The following CAPN3 variants were observed in gnomAD, a reference collection of about 807,000 sequenced individuals.
The protein encoded by CAPN3 is calpain 3, also known as calpain-3.
Under a neutral mutation model 114.0 loss-of-function variants are expected in CAPN3, and 88 were observed. The observed-to-expected ratio is 0.77, with a 90% CI of 0.65 to 0.92. The LOEUF is 0.92. Among genes scored for constraint, CAPN3 ranks in the 40% least tolerant of loss-of-function variants. The pLI is 0.00. For missense variants in CAPN3, 1,028 were observed against 1,069.0 expected (o/e 0.96, Z 0.53); for synonymous variants, 386 against 382.9 (o/e 1.01, Z -0.09).
chr15:42,387,685 G>A (rs1027811594), intron 3 of CAPN3, 68 bp from the exon 4 acceptor site: 5 of 1,589,018 alleles, frequency 3.1e-6, no homozygotes, highest in African/African-American at 1.3e-5. Flanking sequence ...CCTGAGGAAT[G>A]TGGAGGAAGG....
At chr15:42,361,445 T>A (rs1361499901) in intron 1 of CAPN3, among the ~76,000 whole-genome samples, 1 of 152,130 alleles carries the variant, frequency 6.6e-6, no homozygotes, top group Non-Finnish European at 1.5e-5. Flanking sequence ...CACTCCAGGC[T>A]GGGTGACAGG....
At chr15:42,366,548 A>G (rs2052781156) in intron 1 of CAPN3, among the ~76,000 whole-genome samples, 1 of 152,246 alleles carries the variant, frequency 6.6e-6, no homozygotes. Flanking sequence ...TTAACATGGC[A>G]GAAACATCTT....
At chr15:42,367,590 C>G (rs2052821622) in intron 1 of CAPN3, among the ~76,000 whole-genome samples, 1 of 152,214 alleles carries the variant, frequency 6.6e-6, no homozygotes, top group Non-Finnish European at 1.5e-5. Context: ...GAACTACTTT[C>G]AGCCTTTCCA....
intron 15 of CAPN3, among the ~76,000 whole-genome samples, chr15:42,407,419 C>A (rs2054055829): frequency 6.6e-6 from 1 of 152,024 alleles, no homozygotes; most frequent in African/African-American, 2.4e-5. Context: ...AGCTCCACCT[C>A]CCATGTTCAC....
At position 42,379,585 on chromosome 15, in the gene CAPN3, A is replaced by G. The variant is rs982193637; in HGVS notation, c.310-4898A>G. Among the ~76,000 whole-genome samples, 13 of 152,254 alleles carry G rather than the reference A, an allele frequency of 8.5e-5. No homozygotes were observed. In the East Asian group the frequency reaches 1.7e-3, roughly 20 times the overall value. On this transcript the variant is annotated intron_variant, in intron 1 of 23. Coordinates refer to ENST00000397163, the MANE Select transcript of CAPN3 (RefSeq NM_000070.3). ...TTTGTCTATTTCTCCTTTCAGTTCT[A>G]TCACTCTTTGCCTCATGTATTTTGA...
chr15:42,401,946 G>C, intron 11 of CAPN3, 136 bp downstream of exon 11: 1 of 1,333,910 alleles, frequency 7.5e-7, no homozygotes, highest in Non-Finnish European at 1.1e-6. Flanking sequence ...GACCACTTGT[G>C]TTTGTAACAA....
At chr15:42,404,212 A>G (rs959227626) in intron 14 of CAPN3, 4 of 457,454 alleles carry the variant, frequency 8.7e-6, no homozygotes, top group Non-Finnish European at 1.8e-5. Context: ...CAATTTCTGT[A>G]ATCCCTCTCA....
At chr15:42,402,644 C>G in intron 12 of CAPN3, 150 bp from the exon 13 acceptor site, 13 of 1,536,640 alleles carry the variant, frequency 8.5e-6, no homozygotes, top group African/African-American at 1.4e-5. Context: ...GGTAGGGAGG[C>G]TATTTAAGCC....
intron 7 of CAPN3, among the ~76,000 whole-genome samples, chr15:42,392,964 C>T (rs2053600769): frequency 6.6e-6 from 1 of 152,350 alleles, no homozygotes; most frequent in East Asian, 1.9e-4. Context: ...ATTTTTCCAA[C>T]ATTTCCAATG....
At chr15:42,403,882 G>C in intron 14 of CAPN3, 105 bp downstream of exon 14, 1 of 1,033,092 alleles carries the variant, frequency 9.7e-7, no homozygotes, top group South Asian at 1.3e-5. Context: ...AGAGGGAATG[G>C]GAGTCTGGGC....
intron 9 of CAPN3, among the ~76,000 whole-genome samples, chr15:42,399,112 A>T (rs2053791628): frequency 6.6e-6 from 1 of 151,984 alleles, no homozygotes; most frequent in Admixed American, 6.6e-5. Flanking sequence ...TCTTCTATCT[A>T]ACTGTATTTT....
At chr15:42,406,696 G>GC (rs1031518713) in intron 15 of CAPN3, among the ~76,000 whole-genome samples, 3 of 152,062 alleles carry the variant, frequency 2.0e-5, no homozygotes, top group Non-Finnish European at 4.4e-5. Context: ...TCTGATGCCA[G>GC]CCCCCTACAC....
chr15:42,389,539 C>T (rs1334720678), intron 5 of CAPN3, among the ~76,000 whole-genome samples: 2 of 152,238 alleles, frequency 1.3e-5, no homozygotes, highest in East Asian at 1.9e-4. Context: ...GCCTGCAGCA[C>T]CTTTCAGTGC....
rs779701414 is a variant in CAPN3, at chr15:42,388,928, G to T, written c.633G>T (p.Lys211Asn). 6.2e-7 allele frequency: 1 copy of T among 1,613,886 alleles called. No individual in the cohort carries two copies. The highest frequency in any genetic ancestry group is 1.3e-5 in the African/African-American group (1 of 75,022). Residue 211 changes from lysine (K) to asparagine (N), a missense_variant and splice_region_variant, in exon 5 of 24, where the codon AAG becomes AAT. By Grantham distance (94) the Lys-to-Asn change is moderately conservative. Coordinates refer to ENST00000397163, the MANE Select transcript of CAPN3 (RefSeq NM_000070.3). ...AATTGGTCTTCATCCTCTCTCTAAG[G>T]CTCCATGGTTCCTACGAAGCTCTGA... ...WSALLEKAYA[K>N]LHGSYEALKG...
In CAPN3 at chr15:42,396,786, C is replaced by T. The variant is rs778663080; in HGVS notation, c.1116-14C>T. 4 of 1,608,756 alleles carry T rather than the reference C, an allele frequency of 2.5e-6. No individual in the cohort carries two copies. Among genetic ancestry groups the T allele is most frequent in the African/African-American group, 1.3e-5 (1 of 74,788 alleles). ...CTTCTTCCTGCTTCCTTAATTCCTC[C>T]ATTTTCCCACCAGATGGAAGGACTG... On this transcript the variant is annotated splice_polypyrimidine_tract_variant and intron_variant, in intron 8 of 23. Transcript: ENST00000397163.
At position 42,410,868 on chromosome 15, in the gene CAPN3, A is replaced by C; in HGVS notation, c.2264-16A>C. On this transcript the variant is annotated splice_polypyrimidine_tract_variant and intron_variant, in intron 21 of 23. Coordinates refer to ENST00000397163, the MANE Select transcript of CAPN3 (RefSeq NM_000070.3). ...CTCCAGCTCCACGTCCACCTCTAAC[A>C]TGGTCCCCTCCACAGGATTCCACCT... The C allele has an allele frequency of 5.6e-6, 9 of 1,598,910 alleles. No homozygotes were observed. Among genetic ancestry groups the C allele is most frequent in the Non-Finnish European group, 7.7e-6 (9 of 1,166,110 alleles).
rs1255302975 is a variant in CAPN3 at position 42,386,237 on chromosome 15, C to T, written c.450C>T (p.Pro150=). The T allele has an allele frequency of 6.2e-7, 1 of 1,614,126 alleles. No individual in the cohort carries two copies. The highest frequency in any genetic ancestry group is 2.2e-5 in the East Asian group (1 of 44,866). Residue 150 remains proline (P), a synonymous_variant, in exon 3 of 24, where the codon CCC becomes CCT. Transcript: ENST00000397163. ...LNQHLLFRVI[P]HDQSFIENYA... The stretch of plus-strand genomic sequence containing the variant: ...AGCACCTTCTTTTCCGAGTCATACC[C>T]CATGATCAAAGTTTCATCGAAAACT...
chr15:42,392,916 T>A (rs1389557611), intron 7 of CAPN3, among the ~76,000 whole-genome samples, 194 bp downstream of exon 7: 1 of 152,246 alleles, frequency 6.6e-6, no homozygotes, highest in African/African-American at 2.4e-5. Context: ...CCACAGTTGG[T>A]GCACAGTTTA....
In CAPN3 at chr15:42,403,735, T is replaced by C. The variant is rs1043267573; in HGVS notation, c.1746-6T>C. 1 of 1,613,756 alleles carries C rather than the reference T, an allele frequency of 6.2e-7. No individual in the cohort carries two copies. Among genetic ancestry groups the C allele is most frequent in the Admixed American group, 1.7e-5 (1 of 60,012 alleles). ...CTGAGACCCCACATGTCTGTATTCC[T>C]CACAGGGAAGTTGAAAATACCATCT... On this transcript the variant is annotated splice_polypyrimidine_tract_variant and splice_region_variant and intron_variant, in intron 13 of 23. Transcript: ENST00000397163.
Sources: allele counts gnomAD v4.1 joint callset (sites outside exome capture counted in the v4.1 genomes callset), GRCh38; gene constraint gnomAD v4.1.1; transcripts MANE v1.5; gene names NCBI Gene and HGNC (gene_info 2026-07-23, HGNC 2026-07-21).